SLC6A19: variants seen among roughly 807,000 people sequenced by gnomAD.
SLC6A19 encodes solute carrier family 6 member 19.
In SLC6A19, 67 loss-of-function variants were observed where a neutral mutation model predicts 68.3. That is an observed-to-expected ratio of 0.98 (90% CI 0.81 to 1.20). SLC6A19 has a LOEUF of 1.20. SLC6A19 is among the 50% of genes most tolerant of loss of function. SLC6A19 has a pLI of 0.00. For synonymous variants in SLC6A19, 392 were observed against 374.9 expected, an observed-to-expected ratio of 1.05 and a Z score of -0.53; for missense variants, 813 against 851.6, an observed-to-expected ratio of 0.95 and a Z score of 0.56.
At chr5:1,203,680 G>A (rs1228244975) in intron 1 of SLC6A19, among the ~76,000 whole-genome samples, 2 of 152,230 alleles carry the variant, frequency 1.3e-5, no homozygotes, top group African/African-American at 4.8e-5. Context: ...CAGTCGCCCC[G>A]GCCTGGAGGA....
At position 1,221,299 on chromosome 5, in the gene SLC6A19, T is replaced by A. The variant is rs1746374164; in HGVS notation, c.1687T>A (p.Trp563Arg). Residue 563 changes from tryptophan to arginine, a missense_variant, in exon 11 of 12, where the codon TGG becomes AGG. Physicochemically the swap from Trp to Arg is moderately radical, Grantham distance 101 (BLOSUM62 -3). Coordinates refer to ENST00000304460, the MANE Select transcript of SLC6A19 (RefSeq NM_001003841.3). ...CAGTCAGGAGCTGACCTACAGCATC[T>A]GGGACCCTGGCTACGTAAGTGTCCA... ...EVSQELTYSI[W>R]DPGYEEFPKS... 1 of 1,613,614 alleles carries A rather than the reference T, an allele frequency of 6.2e-7. No individual in the cohort carries two copies. Among genetic ancestry groups the A allele is most frequent in the Non-Finnish European group, 8.5e-7 (1 of 1,180,024 alleles).
intron 8 of SLC6A19, among the ~76,000 whole-genome samples, chr5:1,218,429 C>T (rs941891810): frequency 1.3e-5 from 2 of 152,248 alleles, no homozygotes; most frequent in African/African-American, 2.4e-5. Flanking sequence ...GGACCAGACA[C>T]AGGAGCAGAA....
In SLC6A19 at chr5:1,224,422, A is replaced by C. The variant is rs1215608514; in HGVS notation, c.*2518A>C. ...ACTGTTGTCCAGACGTAGAGGGATG[A>C]GTGAGCCAGTGACCTCAGACGGGAT... On this transcript the variant is annotated 3_prime_UTR_variant, in exon 12 of 12. Transcript: ENST00000304460. 1 of 152,264 alleles carries C rather than the reference A, an allele frequency of 6.6e-6. No individual in the cohort carries two copies. Among genetic ancestry groups the C allele is most frequent in the Non-Finnish European group, 1.5e-5 (1 of 68,056 alleles). 9.4% of individuals were successfully genotyped at this position (152,264 alleles called of 1,614,324 possible). A position where few individuals can be genotyped will look rare whatever the true frequency, so the allele number is the denominator to read the frequency against.
intron 11 of SLC6A19, 41 bp downstream of exon 11, chr5:1,221,354 G>C: frequency 6.2e-7 from 1 of 1,607,424 alleles, no homozygotes; most frequent in Non-Finnish European, 8.5e-7. Context: ...GAGAGGAATG[G>C]GGAAGGGGAA....
At chr5:1,204,825 C>T (rs12520461) in intron 1 of SLC6A19, among the ~76,000 whole-genome samples, 52,854 of 152,160 alleles carry the variant, frequency 0.35, 10,014 homozygotes, top group Non-Finnish European at 0.45. Context: ...GCCCCGGGGT[C>T]AGCTTTCCCC....
In SLC6A19 at chr5:1,216,691, G is replaced by A. The variant is rs1746219657; in HGVS notation, c.1016+5G>A. ...CTACGACGACTGCTTCAGCACGTGA[G>A]TGGCTGTCCCACCATCCTGGTGCCT... On this transcript the variant is annotated splice_donor_5th_base_variant and intron_variant, in intron 7 of 11. Transcript: ENST00000304460. 2 of 1,613,676 alleles carry A rather than the reference G, an allele frequency of 1.2e-6. No individual in the cohort carries two copies. The highest frequency in any genetic ancestry group is 2.2e-5 in the East Asian group (1 of 44,890).
intron 1 of SLC6A19, among the ~76,000 whole-genome samples, chr5:1,208,469 A>G (rs1745917840): frequency 6.6e-6 from 1 of 152,102 alleles, no homozygotes; most frequent in Admixed American, 6.6e-5. Flanking sequence ...TGAGGCATGG[A>G]CCACACCTCC....
intron 1 of SLC6A19, among the ~76,000 whole-genome samples, chr5:1,205,050 C>A (rs188258584): frequency 6.6e-6 from 1 of 152,192 alleles, no homozygotes; most frequent in Non-Finnish European, 1.5e-5. Context: ...TGGGTGCTTT[C>A]CATTTGGCCA....
In SLC6A19 at chr5:1,213,850, C is replaced by G. The variant is rs1440392436; in HGVS notation, c.775-103C>G. On this transcript the variant is annotated intron_variant, in intron 5 of 11. Transcript: ENST00000304460. ...AGGGGGCCCTGGCCTGTCCTGACCA[C>G]CCCAATAGCCTCGACCCTCCCCGCC... 7 of 1,575,716 alleles carry G rather than the reference C, an allele frequency of 4.4e-6. No homozygotes were observed. The East Asian group carries it at 1.1e-4, about 25-fold the overall frequency.
At chr5:1,206,550 A>G (rs1470285550) in intron 1 of SLC6A19, among the ~76,000 whole-genome samples, 1 of 151,844 alleles carries the variant, frequency 6.6e-6, no homozygotes, top group African/African-American at 2.4e-5. Context: ...GGCGATGGGG[A>G]TGGAATGGAG....
At chr5:1,206,293 TTTCTGTCTGTGTGTGTGTCTCTC>T (rs981622617) in intron 1 of SLC6A19, among the ~76,000 whole-genome samples, 6 of 139,704 alleles carry the variant, frequency 4.3e-5, no homozygotes, top group African/African-American at 1.7e-4. Context: ...TCTCTCTCTG[TTTCTGTCTGTGTGTGTGTCTCTC>T]TGTCTCTTTT....
At chr5:1,203,949 C>T (rs1745783630) in intron 1 of SLC6A19, among the ~76,000 whole-genome samples, 1 of 152,206 alleles carries the variant, frequency 6.6e-6, no homozygotes, top group Admixed American at 6.5e-5. Flanking sequence ...GACACAGGGT[C>T]CCCTCCTATG....
rs753086975 is a variant in SLC6A19 at position 1,216,784 on chromosome 5, C to T, written c.1017-5C>T. 1.2e-5 allele frequency: 20 copies of T among 1,613,758 alleles called. No homozygotes were observed. The highest frequency in any genetic ancestry group is 2.7e-5 in the African/African-American group (2 of 75,076). On this transcript the variant is annotated splice_polypyrimidine_tract_variant and splice_region_variant and intron_variant, in intron 7 of 11. Transcript: ENST00000304460. ...GGTGGCCGTCAGCCTCAATCTGACCCGCAGGAACATCCTGACCCTCATCAA... is the reference window on the plus strand; with the variant it reads ...GGTGGCCGTCAGCCTCAATCTGACCTGCAGGAACATCCTGACCCTCATCAA...
intron 8 of SLC6A19, among the ~76,000 whole-genome samples, 173 bp downstream of exon 8, chr5:1,217,118 G>A (rs1043044147): frequency 2.6e-5 from 4 of 152,226 alleles, no homozygotes; most frequent in Non-Finnish European, 5.9e-5. Flanking sequence ...GGTCTGGGGC[G>A]CTGGTGTCTG....
intron 2 of SLC6A19, 57 bp from the exon 3 acceptor site, chr5:1,210,387 G>A (rs1745990816): frequency 6.2e-7 from 1 of 1,605,684 alleles, no homozygotes; most frequent in Non-Finnish European, 8.5e-7. Flanking sequence ...GAGTGGGGAT[G>A]GGTGGCCAGT....
At chr5:1,201,888 G>A (rs888658316) in intron 1 of SLC6A19, 36 bp downstream of exon 1, 2 of 1,594,198 alleles carry the variant, frequency 1.3e-6, no homozygotes, top group Non-Finnish European at 1.7e-6. Context: ...GCGAGGCCGT[G>A]GCCAGGGAAG....
intron 1 of SLC6A19, among the ~76,000 whole-genome samples, chr5:1,202,782 G>A (rs561320435): frequency 8.5e-5 from 13 of 152,312 alleles, no homozygotes; most frequent in South Asian, 2.1e-4. Context: ...TGTCTCTCAC[G>A]CGGGCTTTGT....
chr5:1,213,862 C>T (rs576434721), intron 5 of SLC6A19, 91 bp from the exon 6 acceptor site: 392 of 1,585,792 alleles, frequency 2.5e-4, no homozygotes, highest in Middle Eastern at 4.0e-4. Context: ...CCAATAGCCT[C>T]GACCCTCCCC....
intron 1 of SLC6A19, among the ~76,000 whole-genome samples, chr5:1,204,157 T>C (rs1471882612): frequency 1.3e-5 from 2 of 152,224 alleles, no homozygotes; most frequent in African/African-American, 4.8e-5. Context: ...CAGGTCCTCC[T>C]GGTTCCCTCT....
Sources: gnomAD v4.1 joint callset for allele counts (sites outside exome capture counted in the v4.1 genomes callset) on GRCh38, gnomAD v4.1.1 for gene constraint, MANE v1.5 for transcripts, NCBI Gene and HGNC (gene_info 2026-07-23, HGNC 2026-07-21) for gene names.